AASDH: variants seen among roughly 807,000 people sequenced by gnomAD.
The protein encoded by AASDH is aminoadipate-semialdehyde dehydrogenase.
In AASDH, 81 loss-of-function variants were observed where a neutral mutation model predicts 102.3. The ratio of observed to expected loss-of-function variants is 0.79; its 90% CI spans 0.66 to 0.95. AASDH has a LOEUF of 0.95. Ranked by LOEUF, AASDH falls within the 40% of genes least tolerant of loss-of-function variation. AASDH has a pLI of 0.00. For synonymous variants in AASDH, 398 were observed against 454.0 expected (o/e 0.88, Z 1.57); for missense variants, 1,203 against 1,266.2 (o/e 0.95, Z 0.76).
intron 14 of AASDH, 115 bp from the exon 15 acceptor site, chr4:56,338,906 A>C: frequency 9.7e-7 from 1 of 1,031,760 alleles, no homozygotes; most frequent in Non-Finnish European, 1.4e-6. Context: ...TTTGAATGGT[A>C]ACTATACACA....
intron 5 of AASDH, among the ~76,000 whole-genome samples, chr4:56,358,538 G>A (rs1200929340): frequency 2.0e-5 from 3 of 150,736 alleles, no homozygotes; most frequent in Admixed American, 1.3e-4. Context: ...TAGCTTGTTA[G>A]GAGCTTTTTA....
intron 10 of AASDH, among the ~76,000 whole-genome samples, chr4:56,350,469 A>AATC (rs1748874549): frequency 6.6e-6 from 1 of 151,880 alleles, no homozygotes; most frequent in Non-Finnish European, 1.5e-5. Context: ...TAATAATAAT[A>AATC]ATAACAATTA....
rs569151747 is a variant in AASDH, at chr4:56,380,165, A to G, written c.352-1701T>C. On this transcript the variant is annotated intron_variant, in intron 3 of 14. Coordinates refer to ENST00000205214, the MANE Select transcript of AASDH (RefSeq NM_181806.4). ...AGGGTCTATGAGCAAAGAATAAATAAGACATGGTGACTTTCTGGATATAGA... is the reference window on the plus strand; with the variant it reads ...AGGGTCTATGAGCAAAGAATAAATAGGACATGGTGACTTTCTGGATATAGA... 3.9e-5 allele frequency among the ~76,000 whole-genome samples: 6 copies of G among 152,322 alleles called. No individual in the cohort carries two copies. In the South Asian group the frequency reaches 6.2e-4, roughly 16 times the overall value.
At chr4:56,380,780 G>A (rs1489292023) in intron 3 of AASDH, among the ~76,000 whole-genome samples, 1 of 152,156 alleles carries the variant, frequency 6.6e-6, no homozygotes, top group East Asian at 1.9e-4. Context: ...GTGGAGTGCT[G>A]TCTTATACAC....
In AASDH at chr4:56,353,598, T is replaced by A; in HGVS notation, c.1384-2A>T. On this transcript the variant is annotated splice_acceptor_variant, in intron 8 of 14. Transcript: ENST00000205214. LOFTEE classifies it high-confidence loss of function. ...CACTTGCTGAAGCTCTTCAGCAACC[T>A]ATAAGAGAGATTATCCTAATTTGCC... is the stretch of plus-strand genomic sequence containing the variant. 6.3e-7 allele frequency: 1 copy of A among 1,583,028 alleles called. No homozygotes were observed. Among genetic ancestry groups the A allele is most frequent in the African/African-American group, 1.4e-5 (1 of 73,244 alleles).
intron 5 of AASDH, among the ~76,000 whole-genome samples, chr4:56,368,993 A>G (rs535314109): frequency 1.3e-5 from 2 of 152,276 alleles, no homozygotes; most frequent in East Asian, 3.9e-4. Context: ...AAAGGAAAGG[A>G]CAGCCTGTCA....
At chr4:56,368,098 G>A (rs1238485432) in intron 5 of AASDH, among the ~76,000 whole-genome samples, 1 of 152,208 alleles carries the variant, frequency 6.6e-6, no homozygotes, top group African/African-American at 2.4e-5. Context: ...CATTTATGCA[G>A]CCAAAAAACA....
At chr4:56,347,918 C>T (rs1052015952) in intron 11 of AASDH, among the ~76,000 whole-genome samples, 4 of 152,002 alleles carry the variant, frequency 2.6e-5, no homozygotes, top group East Asian at 3.9e-4. Context: ...TTTGGGACAC[C>T]GAGGCAGGTG....
intron 5 of AASDH, among the ~76,000 whole-genome samples, chr4:56,371,201 G>A (rs1302522710): frequency 6.6e-6 from 1 of 152,152 alleles, no homozygotes; most frequent in East Asian, 1.9e-4. Flanking sequence ...CTGAGTCAAA[G>A]TCAAGGTCCT....
At chr4:56,343,794 G>T in intron 12 of AASDH, 110 bp from the exon 13 acceptor site, 1 of 1,121,630 alleles carries the variant, frequency 8.9e-7, no homozygotes, top group South Asian at 2.1e-5. Context: ...TTTATCTTTA[G>T]TATAAAGTAC....
intron 4 of AASDH, among the ~76,000 whole-genome samples, chr4:56,374,624 A>G (rs749604624): frequency 5.3e-4 from 80 of 152,296 alleles, no homozygotes; most frequent in Non-Finnish European, 8.5e-4. Context: ...TTCCAAAACA[A>G]TTTATTTGTT....
intron 6 of AASDH, among the ~76,000 whole-genome samples, 158 bp from the exon 7 acceptor site, chr4:56,354,969 A>G (rs1345332179): frequency 6.6e-6 from 1 of 152,208 alleles, no homozygotes; most frequent in Non-Finnish European, 1.5e-5. Context: ...AAAGGTAACC[A>G]TATATGTTAT....
intron 8 of AASDH, among the ~76,000 whole-genome samples, 167 bp downstream of exon 8, chr4:56,353,872 T>C (rs1345171761): frequency 6.6e-6 from 1 of 152,206 alleles, no homozygotes; most frequent in Non-Finnish European, 1.5e-5. Flanking sequence ...CATCTCTTCA[T>C]GCTGGGGATA....
At chr4:56,350,965 A>AT (rs1748929347) in intron 10 of AASDH, among the ~76,000 whole-genome samples, 1 of 152,222 alleles carries the variant, frequency 6.6e-6, no homozygotes, top group Non-Finnish European at 1.5e-5. Context: ...TAGAATAATG[A>AT]TGTAAGCCCT....
chr4:56,383,496 C>T (rs1169009433), intron 2 of AASDH, among the ~76,000 whole-genome samples: 2 of 152,114 alleles, frequency 1.3e-5, no homozygotes, highest in African/African-American at 4.8e-5. Flanking sequence ...AATGAATAAA[C>T]TATTTCTTTG....
chr4:56,383,429 T>C (rs2110013292), intron 2 of AASDH, among the ~76,000 whole-genome samples: 2 of 152,298 alleles, frequency 1.3e-5, no homozygotes, highest in South Asian at 4.2e-4. Context: ...AAAGTAAATT[T>C]TTGAACATCT....
In AASDH at chr4:56,349,377, G is replaced by C. The variant is rs1405665738; in HGVS notation, c.2374C>G (p.His792Asp). Reference protein sequence around the residue: ...STTVYIGSHSHRMKAVDFYSG... With the variant: ...STTVYIGSHSDRMKAVDFYSG... ...TAAAAGTCAACTGCCTTCATTCTAT[G>C]AGAATGGGAACCAATGTACACAGTT... Residue 792 changes from histidine (H) to aspartate (D), a missense_variant, in exon 11 of 15, where the codon CAT becomes GAT. Transcript: ENST00000205214. 2 of 1,614,126 alleles carry C rather than the reference G, an allele frequency of 1.2e-6. No individual in the cohort carries two copies.
chr4:56,373,016 T>A (rs919235796), intron 4 of AASDH, among the ~76,000 whole-genome samples: 1 of 152,210 alleles, frequency 6.6e-6, no homozygotes, highest in African/African-American at 2.4e-5. Context: ...TCCTCCCACG[T>A]ATAGGGCAGG....
chr4:56,348,305 A>G (rs1401969746), intron 11 of AASDH, among the ~76,000 whole-genome samples: 1 of 151,286 alleles, frequency 6.6e-6, no homozygotes, highest in Non-Finnish European at 1.5e-5. Context: ...CTCAGACCAG[A>G]GTACAGTGGC....
Sources: allele counts gnomAD v4.1 joint callset (sites outside exome capture counted in the v4.1 genomes callset), GRCh38; gene constraint gnomAD v4.1.1; transcripts MANE v1.5; gene names NCBI Gene and HGNC (gene_info 2026-07-23, HGNC 2026-07-21).